WDR72: variants seen among roughly 807,000 people sequenced by gnomAD.
WDR72 encodes WD repeat domain 72, also known as WD repeat-containing protein 72.
Under a neutral mutation model 124.2 loss-of-function variants are expected in WDR72, and 120 were observed. The observed-to-expected ratio is 0.97, with a 90% CI of 0.83 to 1.12. The LOEUF is 1.12. Ranked by LOEUF, WDR72 falls within the 50% of genes most tolerant of loss-of-function variation. The probability of loss-of-function intolerance (pLI) is 0.00; values close to 1 mark genes in which losing one functional copy is unlikely to be tolerated. For synonymous variants in WDR72, 452 were observed against 441.7 expected (o/e 1.02, Z -0.29); for missense variants, 1,387 against 1,278.8 (o/e 1.08, Z -1.29).
At chr15:53,730,837 C>G (rs1224605359) in intron 2 of WDR72, among the ~76,000 whole-genome samples, 1 of 152,144 alleles carries the variant, frequency 6.6e-6, no homozygotes, top group East Asian at 1.9e-4. Context: ...CATTAATCTA[C>G]TCACTTGACC....
intron 5 of WDR72, 152 bp downstream of exon 5, chr15:53,715,041 C>T: frequency 1.2e-6 from 1 of 848,604 alleles, no homozygotes. Flanking sequence ...CTTAGTTTTT[C>T]TTGATCAGGT....
chr15:53,570,735 T>C (rs1894494011), intron 18 of WDR72, among the ~76,000 whole-genome samples: 1 of 152,060 alleles, frequency 6.6e-6, no homozygotes, highest in Admixed American at 6.6e-5. Context: ...TACTGGATAT[T>C]TACCCAAAGG....
intron 17 of WDR72, among the ~76,000 whole-genome samples, chr15:53,599,027 GA>G (rs891201997): frequency 1.3e-4 from 20 of 151,992 alleles, no homozygotes; most frequent in African/African-American, 4.1e-4. Context: ...AGGAGGCTGA[GA>G]CAGGATGATT....
chr15:53,558,582 T>C (rs1354988317), intron 18 of WDR72, among the ~76,000 whole-genome samples: 1 of 152,008 alleles, frequency 6.6e-6, no homozygotes, highest in Non-Finnish European at 1.5e-5. Context: ...AAAATGATGA[T>C]TTAGCAATTC....
chr15:53,623,494 T>TATAC (rs199728983), intron 14 of WDR72, among the ~76,000 whole-genome samples: 11 of 150,444 alleles, frequency 7.3e-5, no homozygotes, highest in African/African-American at 2.7e-4. Context: ...TATATATATA[T>TATAC]ACACACATAC....
intron 1 of WDR72, among the ~76,000 whole-genome samples, chr15:53,745,504 A>G (rs1337247578): frequency 6.6e-6 from 1 of 152,190 alleles, no homozygotes; most frequent in African/African-American, 2.4e-5. Context: ...AATGACTCCA[A>G]GCCAAATTAG....
Position 53,699,787 on chromosome 15 carries a change from A to C in WDR72, c.1728T>G (p.Cys576Trp). The change falls in exon 13 of 20, where the codon TGT becomes TGG. Residue 576 changes from cysteine (C) to tryptophan (W), a missense_variant. Physicochemically the swap from Cys to Trp is radical, Grantham distance 215 (BLOSUM62 -2). Transcript: ENST00000360509. Reference sequence around the variant, plus strand: ...CCCAGATATAAACTGAGTCATCTGCACATCCAACAATTAAAAAATTCTCAA... The same window carrying C: ...CCCAGATATAAACTGAGTCATCTGCCCATCCAACAATTAAAAAATTCTCAA... ...HPVENFLIVG[C>W]ADDSVYIWEI... The C allele has an allele frequency of 6.2e-7, 1 of 1,614,184 alleles. No homozygotes were observed. The highest frequency in any genetic ancestry group is 1.3e-5 in the African/African-American group (1 of 75,040).
At chr15:53,695,504 T>A (rs74018715) in intron 13 of WDR72, among the ~76,000 whole-genome samples, 4,127 of 152,278 alleles carry the variant, frequency 0.027, 99 homozygotes, top group East Asian at 0.069. Context: ...ATTAATCAAA[T>A]TGACATCTGC....
rs116701005 is a variant in WDR72, at chr15:53,578,808, A to C, written c.3148+18271T>G. Reference sequence around the variant, plus strand: ...TCTTTCAGCAACTTGACCTTTGGTTAACTACCTGGATTCCCTTGGTAATTT... The same window carrying C: ...TCTTTCAGCAACTTGACCTTTGGTTCACTACCTGGATTCCCTTGGTAATTT... On this transcript the variant is annotated intron_variant, in intron 18 of 19. Coordinates refer to ENST00000360509, the MANE Select transcript of WDR72 (RefSeq NM_182758.4). Among the ~76,000 whole-genome samples the C allele has an allele frequency of 9.5e-3, 1,450 of 152,270 alleles. 33 individuals are homozygous for C. Among genetic ancestry groups the C allele is most frequent in the African/African-American group, 0.034 (1,399 of 41,578 alleles).
At chr15:53,558,483 T>C (rs1188296805) in intron 18 of WDR72, among the ~76,000 whole-genome samples, 1 of 152,084 alleles carries the variant, frequency 6.6e-6, no homozygotes, top group Non-Finnish European at 1.5e-5. Flanking sequence ...TAAATATTAC[T>C]CCATAGATAC....
At chr15:53,564,263 A>G (rs887909790) in intron 18 of WDR72, among the ~76,000 whole-genome samples, 1 of 151,834 alleles carries the variant, frequency 6.6e-6, no homozygotes, top group South Asian at 2.1e-4. Context: ...GCAAATTTAT[A>G]TGAGGAATAG....
chr15:53,578,189 C>T (rs1342975304), intron 18 of WDR72, among the ~76,000 whole-genome samples: 2 of 152,156 alleles, frequency 1.3e-5, no homozygotes, highest in Non-Finnish European at 2.9e-5. Context: ...GCAAGTTAGA[C>T]ATATCCCCCT....
chr15:53,548,357 G>A (rs1162316152), intron 18 of WDR72, among the ~76,000 whole-genome samples: 3 of 152,192 alleles, frequency 2.0e-5, no homozygotes, highest in African/African-American at 7.2e-5. Flanking sequence ...GGCCTGATGG[G>A]AGGGCTCGGG....
intron 1 of WDR72, among the ~76,000 whole-genome samples, chr15:53,734,741 T>A (rs900561094): frequency 3.3e-5 from 5 of 150,652 alleles, no homozygotes; most frequent in Non-Finnish European, 7.4e-5. Flanking sequence ...CCCAGGAAGA[T>A]AAGAAAGAGT....
chr15:53,609,247 C>T (rs2013427236), intron 17 of WDR72, among the ~76,000 whole-genome samples: 2 of 152,118 alleles, frequency 1.3e-5, no homozygotes, highest in Non-Finnish European at 2.9e-5. Flanking sequence ...GACAATCCTG[C>T]TTCAAACTGA....
At chr15:53,600,605 GA>G (rs955957921) in intron 17 of WDR72, among the ~76,000 whole-genome samples, 1 of 152,154 alleles carries the variant, frequency 6.6e-6, no homozygotes, top group Admixed American at 6.6e-5. Flanking sequence ...AAACACCTTG[GA>G]AGAGCAAAAT....
At chr15:53,523,073 C>T in intron 19 of WDR72, 145 bp downstream of exon 19, 1 of 782,462 alleles carries the variant, frequency 1.3e-6, no homozygotes, top group Admixed American at 1.8e-5. Flanking sequence ...CACACTGTGA[C>T]CCCTGGAGGT....
At chr15:53,619,264 TTGTGTGTGTG>T (rs3081256) in intron 14 of WDR72, among the ~76,000 whole-genome samples, 4 of 147,406 alleles carry the variant, frequency 2.7e-5, no homozygotes, top group African/African-American at 5.0e-5. Context: ...TGCTTTATAA[TTGTGTGTGTG>T]TGTGTGTGTG....
chr15:53,684,881 C>T (rs572493179), intron 13 of WDR72, among the ~76,000 whole-genome samples: 2 of 152,320 alleles, frequency 1.3e-5, no homozygotes, highest in East Asian at 1.9e-4. Flanking sequence ...GCCAGACTGC[C>T]TCCTCAAGTG....
Sources: gnomAD v4.1 joint callset for allele counts (sites outside exome capture counted in the v4.1 genomes callset) on GRCh38, gnomAD v4.1.1 for gene constraint, MANE v1.5 for transcripts, NCBI Gene and HGNC (gene_info 2026-07-23, HGNC 2026-07-21) for gene names.